The following WDR64 variants were observed in gnomAD, a reference collection of about 807,000 sequenced individuals.
WDR64 encodes the protein WD repeat domain 64, also known as WD repeat-containing protein 64.
Under a neutral mutation model 139.3 loss-of-function variants are expected in WDR64, and 112 were observed. The ratio of observed to expected loss-of-function variants is 0.80; its 90% CI spans 0.69 to 0.94. WDR64 has a LOEUF of 0.94. Ranked by LOEUF, WDR64 falls within the 40% of genes least tolerant of loss-of-function variation. The pLI is 0.00. For synonymous variants in WDR64, 444 were observed against 437.7 expected, an observed-to-expected ratio of 1.01 and a Z score of -0.18; for missense variants, 1,206 against 1,293.1, an observed-to-expected ratio of 0.93 and a Z score of 1.03.
At chr1:241,722,612 TA>T (rs138090588) in intron 9 of WDR64, among the ~76,000 whole-genome samples, 17,134 of 151,774 alleles carry the variant, frequency 0.11, 1,062 homozygotes, top group Admixed American at 0.18. Flanking sequence ...CTTTCCTAAA[TA>T]AAAAAAAGTA....
intron 6 of WDR64, among the ~76,000 whole-genome samples, chr1:241,680,211 A>G (rs1666725532): frequency 6.6e-6 from 1 of 152,208 alleles, no homozygotes; most frequent in Non-Finnish European, 1.5e-5. Flanking sequence ...CACCGAGGTT[A>G]TTTAAAAATG....
intron 4 of WDR64, among the ~76,000 whole-genome samples, chr1:241,677,597 C>CAT (rs1372056723): frequency 6.6e-6 from 1 of 152,196 alleles, no homozygotes; most frequent in East Asian, 1.9e-4. Context: ...AAAGGCTGCT[C>CAT]ATATATACAG....
At chr1:241,753,401 C>A (rs1176195758) in intron 14 of WDR64, among the ~76,000 whole-genome samples, 1 of 152,126 alleles carries the variant, frequency 6.6e-6, no homozygotes, top group Non-Finnish European at 1.5e-5. Flanking sequence ...TCAATAATAA[C>A]CAGTTAGAAA....
intron 17 of WDR64, among the ~76,000 whole-genome samples, chr1:241,770,144 T>C (rs543750897): frequency 7.9e-5 from 12 of 152,276 alleles, no homozygotes; most frequent in African/African-American, 2.9e-4. Flanking sequence ...TCATCAAAAC[T>C]GTTCTGAGAA....
intron 9 of WDR64, among the ~76,000 whole-genome samples, chr1:241,719,398 G>A (rs918177601): frequency 2.6e-5 from 4 of 152,148 alleles, no homozygotes; most frequent in Non-Finnish European, 5.9e-5. Context: ...GAAGGATGAT[G>A]GGGATGAAGG....
intron 21 of WDR64, among the ~76,000 whole-genome samples, chr1:241,776,419 G>A (rs935967942): frequency 1.3e-5 from 2 of 151,920 alleles, no homozygotes; most frequent in African/African-American, 2.4e-5. Context: ...AAACCATTTC[G>A]TACTGTCAAT....
intron 4 of WDR64, among the ~76,000 whole-genome samples, chr1:241,675,053 T>TCC (rs1666447208): frequency 1.2e-5 from 1 of 86,528 alleles, no homozygotes; most frequent in Non-Finnish European, 2.3e-5. Context: ...TTTCCTTCCT[T>TCC]TTCTCCCTTC....
intron 25 of WDR64, among the ~76,000 whole-genome samples, chr1:241,793,519 T>C (rs1659266633): frequency 6.6e-6 from 1 of 152,260 alleles, no homozygotes; most frequent in Non-Finnish European, 1.5e-5. Context: ...ATCATTATTC[T>C]TTAACAGTAT....
At position 241,790,699 on chromosome 1, in the gene WDR64, A is replaced by G; in HGVS notation, c.2997+3A>G. 7.1e-7 allele frequency: 1 copy of G among 1,399,056 alleles called. No individual in the cohort carries two copies. Among genetic ancestry groups the G allele is most frequent in the East Asian group, 2.3e-5 (1 of 42,676 alleles). The allele number at this position is 1,399,056 out of a possible 1,614,324, so 86.7% of individuals were successfully genotyped here. A position where few individuals can be genotyped will look rare whatever the true frequency, so the allele number is the denominator to read the frequency against. ...TCAAGTCTCTTTCTTCTCCTAAGGTAGCTTAAAAAAAAAAAAAAAAAAGAA... is the reference window on the plus strand; with the variant it reads ...TCAAGTCTCTTTCTTCTCCTAAGGTGGCTTAAAAAAAAAAAAAAAAAAGAA... On this transcript the variant is annotated splice_donor_region_variant and intron_variant, in intron 25 of 27. Transcript: ENST00000437684.
At chr1:241,792,130 A>C (rs1310779879) in intron 25 of WDR64, among the ~76,000 whole-genome samples, 3 of 152,178 alleles carry the variant, frequency 2.0e-5, no homozygotes, top group Non-Finnish European at 4.4e-5. Context: ...CTGTTTCCTG[A>C]GCATTCCTGT....
rs1455733205 is a variant in WDR64, at chr1:241,769,429, G to A, written c.2107G>A (p.Val703Ile). The change falls in exon 17 of 28, where the codon GTA becomes ATA. Residue 703 changes from valine (V) to isoleucine (I), a missense_variant. Transcript: ENST00000437684. ...GTACCGACCTGAAGATTGCTTCACT[G>A]TAAACCCTGACTTGCATCCCAAGCA... ...KVYRPEDCFT[V>I]NPDLHPKHFK... The A allele has an allele frequency of 6.4e-7, 1 of 1,551,358 alleles. No individual in the cohort carries two copies. Among genetic ancestry groups the A allele is most frequent in the South Asian group, 1.2e-5 (1 of 84,042 alleles).
intron 22 of WDR64, 57 bp from the exon 23 acceptor site, chr1:241,783,215 T>C: frequency 6.9e-7 from 1 of 1,439,142 alleles, no homozygotes; most frequent in Non-Finnish European, 9.7e-7. Flanking sequence ...TGTTGAAGAT[T>C]ACATTTTTAC....
At chr1:241,769,220 C>G (rs1010506143) in intron 16 of WDR64, among the ~76,000 whole-genome samples, 184 bp from the exon 17 acceptor site, 4 of 152,178 alleles carry the variant, frequency 2.6e-5, no homozygotes, top group Non-Finnish European at 4.4e-5. Flanking sequence ...CGTTGAGGAT[C>G]ATGATTTAAC....
chr1:241,769,076 G>C (rs1658307998), intron 16 of WDR64, among the ~76,000 whole-genome samples: 1 of 152,098 alleles, frequency 6.6e-6, no homozygotes, highest in Admixed American at 6.6e-5. Context: ...AGACCAGTCT[G>C]GGCAACATAG....
Position 241,788,024 on chromosome 1 carries a change from G to T in WDR64, c.2881G>T (p.Asp961Tyr), listed in dbSNP as rs1659104990. ...AAAATATGAATATCCTCTGATATTT[G>T]ACCGGGAAAAGTAAGACCATTAGCT... ...KQKYEYPLIFDREKWRKMSSV... is the reference protein window; with the variant it reads ...KQKYEYPLIFYREKWRKMSSV... Residue 961 changes from aspartate to tyrosine, a missense_variant, in exon 24 of 28, where the codon GAC (aspartate) becomes TAC (tyrosine). Physicochemically the swap from Asp to Tyr is radical, Grantham distance 160. Coordinates refer to ENST00000437684, the MANE Select transcript of WDR64 (RefSeq NM_001367482.1). The T allele has an allele frequency of 1.3e-6, 2 of 1,591,008 alleles. No individual in the cohort carries two copies. Among genetic ancestry groups the T allele is most frequent in the South Asian group, 2.3e-5 (2 of 86,046 alleles).
chr1:241,748,625 G>C (rs1353672079), intron 13 of WDR64, among the ~76,000 whole-genome samples: 1 of 152,068 alleles, frequency 6.6e-6, no homozygotes, highest in Non-Finnish European at 1.5e-5. Context: ...GTTTCAAACA[G>C]AAAGTATAAT....
rs766069628 is a variant in WDR64 at position 241,708,692 on chromosome 1, G to GTTTTTTTTTTTT, written c.975-3099_975-3098insTTTTTTTTTTTT. ...TATCAAGTTAGGGCTGAGGTCCATG[G>GTTTTTTTTTTTT]TTTTTTTTTTTGTTTTTTTGTTTTT... is the stretch of plus-strand genomic sequence containing the variant. On this transcript the variant is annotated intron_variant, in intron 8 of 27. Transcript: ENST00000437684. Among the ~76,000 whole-genome samples the GTTTTTTTTTTTT allele has an allele frequency of 1.3e-4, 8 of 59,904 alleles. 2 individuals are homozygous for GTTTTTTTTTTTT. Among genetic ancestry groups the GTTTTTTTTTTTT allele is most frequent in the East Asian group, 5.6e-4 (2 of 3,552 alleles). 39.3% of individuals were successfully genotyped at this position (59,904 alleles called of 152,430 possible).
chr1:241,757,022 C>CATAT (rs75214022), intron 14 of WDR64, among the ~76,000 whole-genome samples: 7 of 151,826 alleles, frequency 4.6e-5, no homozygotes, highest in African/African-American at 1.2e-4. Context: ...AAAGCACTAT[C>CATAT]ATATATATAT....
chr1:241,750,467 G>C (rs1669936894), intron 14 of WDR64, among the ~76,000 whole-genome samples: 1 of 152,204 alleles, frequency 6.6e-6, no homozygotes, highest in Admixed American at 6.5e-5. Context: ...AAACCTGCCT[G>C]ATGTAATATA....
Sources: allele counts gnomAD v4.1 joint callset (sites outside exome capture counted in the v4.1 genomes callset), GRCh38; gene constraint gnomAD v4.1.1; transcripts MANE v1.5; gene names NCBI Gene and HGNC (gene_info 2026-07-23, HGNC 2026-07-21).